Variants in GRHPR observed in about 807,000 individuals in gnomAD.
GRHPR encodes glyoxylate and hydroxypyruvate reductase.
Under a neutral mutation model 36.8 loss-of-function variants are expected in GRHPR, and 35 were observed. That is an observed-to-expected ratio of 0.95 (90% CI 0.73 to 1.26). The LOEUF (loss-of-function observed/expected upper bound fraction) is 1.26. GRHPR is among the 50% of genes most tolerant of loss of function. GRHPR has a pLI of 0.00. For missense variants in GRHPR, 380 were observed against 435.0 expected (o/e 0.87, Z 1.12); for synonymous variants, 179 against 181.0 (o/e 0.99, Z 0.09).
intron 8 of GRHPR, chr9:37,434,549 A>G: frequency 2.9e-6 from 1 of 341,692 alleles, no homozygotes; most frequent in Non-Finnish European, 5.7e-6. Context: ...GCTCCCACTG[A>G]GGCCACTGCA....
intron 1 of GRHPR, among the ~76,000 whole-genome samples, 171 bp from the exon 2 acceptor site, chr9:37,424,674 C>T (rs1822989847): frequency 6.6e-6 from 1 of 152,112 alleles, no homozygotes; most frequent in African/African-American, 2.4e-5. Flanking sequence ...CTTCACCTGT[C>T]ACCTGCTGTC....
At chr9:37,437,032 T>C (rs962865010), downstream of GRHPR, 1 of 445,134 alleles carries the variant, frequency 2.2e-6, no homozygotes, top group African/African-American at 2.0e-5. Flanking sequence ...CAAGTGGATA[T>C]GGCTGGGCAT....
intron 3 of GRHPR, 23 bp downstream of exon 3, chr9:37,426,017 A>AG: frequency 1.3e-6 from 2 of 1,536,410 alleles, no homozygotes; most frequent in Non-Finnish European, 1.8e-6. Context: ...TGGGATCTGG[A>AG]GGGGGCCTAG....
intron 3 of GRHPR, 41 bp downstream of exon 3, chr9:37,426,035 G>A (rs753561045): frequency 1.9e-5 from 25 of 1,334,410 alleles, no homozygotes; most frequent in Non-Finnish European, 2.6e-5. Flanking sequence ...TAGAGAGAGG[G>A]GTGGCTATGA....
At chr9:37,437,089 A>T (rs1454622511), downstream of GRHPR, 8 of 378,212 alleles carry the variant, frequency 2.1e-5, no homozygotes, top group Non-Finnish European at 5.1e-6. Context: ...CTGAGCGGGA[A>T]GGATCCTTTG....
In GRHPR at chr9:37,429,715, G is replaced by T. The variant is rs749586072; in HGVS notation, c.494-17G>T. On this transcript the variant is annotated splice_polypyrimidine_tract_variant and intron_variant, in intron 5 of 8. Coordinates refer to ENST00000318158, the MANE Select transcript of GRHPR (RefSeq NM_012203.2). ...TTTGCGGGACTGGGAACGAGACATG[G>T]ACTCTCCTTGCTCTAGGCCAGGCCA... 6.5e-7 allele frequency: 1 copy of T among 1,549,492 alleles called. No homozygotes were observed. Among genetic ancestry groups the T allele is most frequent in the Non-Finnish European group, 8.9e-7 (1 of 1,121,120 alleles).
intron 7 of GRHPR, 58 bp downstream of exon 7, chr9:37,430,704 A>C (rs745364848): frequency 7.9e-5 from 121 of 1,532,868 alleles, no homozygotes; most frequent in Non-Finnish European, 1.0e-4. Flanking sequence ...CACTGCTGCC[A>C]TCTGGAGATT....
chr9:37,436,059 T>A (rs78283405), intron 8 of GRHPR, among the ~76,000 whole-genome samples: 10,436 of 152,258 alleles, frequency 0.069, 469 homozygotes, highest in South Asian at 0.087. Context: ...TCATGTGGCA[T>A]CATTTTCAAG....
intron 8 of GRHPR, among the ~76,000 whole-genome samples, chr9:37,436,329 C>CAA (rs1275786916): frequency 1.3e-5 from 2 of 152,198 alleles, no homozygotes; most frequent in Non-Finnish European, 2.9e-5. Context: ...AGGCTGGTCT[C>CAA]AAACTCCTCA....
At chr9:37,428,321 C>G in intron 4 of GRHPR, 163 bp from the exon 5 acceptor site, 54 of 612,986 alleles carry the variant, frequency 8.8e-5, no homozygotes, top group East Asian at 1.2e-4. Flanking sequence ...GTCGTTTCTG[C>G]TGCTCATCTG....
chr9:37,422,648 G>C, upstream of GRHPR: 1 of 921,016 alleles, frequency 1.1e-6, no homozygotes. Flanking sequence ...CACGCCGCGC[G>C]CGACGTCTCT....
At chr9:37,428,831 A>G in intron 5 of GRHPR, 3 of 614,094 alleles carry the variant, frequency 4.9e-6, no homozygotes. Context: ...TTCCGGCTCC[A>G]TAAAGAACAG....
intron 2 of GRHPR, among the ~76,000 whole-genome samples, chr9:37,425,207 T>C (rs1823025061): frequency 6.6e-6 from 1 of 152,174 alleles, no homozygotes; most frequent in South Asian, 2.1e-4. Flanking sequence ...GTGTGGAGAC[T>C]GTGGGTGTGG....
rs41278295 is a variant in GRHPR at position 37,431,859 on chromosome 9, A to G, written c.735-149A>G. 31,600 of 781,848 alleles carry G rather than the reference A, an allele frequency of 0.04. 764 individuals are homozygous for G. The highest frequency in any genetic ancestry group is 0.076 in the Middle Eastern group (203 of 2,654). 48.4% of individuals were successfully genotyped at this position (781,848 alleles called of 1,614,324 possible). ...GGAGTTCTCTGAGTATATAAGACTT[A>G]CAGACATACTGTAAGTATACCTAAG... On this transcript the variant is annotated intron_variant, in intron 7 of 8. Transcript: ENST00000318158.
downstream of GRHPR, chr9:37,438,226 A>G (rs1588770855): frequency 6.5e-6 from 1 of 152,774 alleles, no homozygotes; most frequent in Non-Finnish European, 1.5e-5. Context: ...TTCACCAGAA[A>G]AGATTCTACA....
chr9:37,430,443 TG>T, intron 6 of GRHPR, 67 bp from the exon 7 acceptor site: 1 of 1,367,984 alleles, frequency 7.3e-7, no homozygotes, highest in Non-Finnish European at 1.0e-6. Context: ...AGCAAGGGGC[TG>T]GTCTCCCGCC....
chr9:37,431,843 T>C (rs1402353487), intron 7 of GRHPR, 165 bp from the exon 8 acceptor site: 5 of 674,104 alleles, frequency 7.4e-6, no homozygotes, highest in African/African-American at 1.8e-5. Flanking sequence ...TGGAGTTCTC[T>C]GAGTATATAA....
At chr9:37,428,182 T>G in intron 4 of GRHPR, 1 of 517,026 alleles carries the variant, frequency 1.9e-6, no homozygotes, top group East Asian at 3.5e-5. Context: ...CTCTCAACTC[T>G]TCCCTGGTTG....
intron 4 of GRHPR, chr9:37,428,008 G>C (rs538229553): frequency 7.4e-6 from 2 of 270,562 alleles, no homozygotes; most frequent in Non-Finnish European, 1.5e-5. Context: ...CCTGCTCACT[G>C]TCCTGTCTGG....
Sources: gnomAD v4.1 joint callset for allele counts (sites outside exome capture counted in the v4.1 genomes callset) on GRCh38, gnomAD v4.1.1 for gene constraint, MANE v1.5 for transcripts, NCBI Gene and HGNC (gene_info 2026-07-23, HGNC 2026-07-21) for gene names.